Variants in CHRM3 observed in about 807,000 individuals in gnomAD.
The protein encoded by CHRM3 is cholinergic receptor muscarinic 3.
Under a neutral mutation model 41.8 loss-of-function variants are expected in CHRM3, and 11 were observed. That is an observed-to-expected ratio of 0.26 (90% CI 0.17 to 0.44). The LOEUF (loss-of-function observed/expected upper bound fraction) is 0.44. CHRM3 is among the 20% of genes least tolerant of loss of function. The pLI, the probability that CHRM3 is intolerant of heterozygous loss-of-function variation, is 1.00. For missense variants in CHRM3, 571 were observed against 745.4 expected (o/e 0.77, Z 2.72); for synonymous variants, 297 against 301.4 (o/e 0.99, Z 0.15).
chr1:239,587,473 T>C (rs1485469021), intron 3 of CHRM3, among the ~76,000 whole-genome samples: 2 of 152,194 alleles, frequency 1.3e-5, no homozygotes, highest in Non-Finnish European at 2.9e-5. Flanking sequence ...AAGAACTTTT[T>C]TCTCATTGAA....
chr1:239,516,073 T>C (rs904291357), intron 2 of CHRM3, among the ~76,000 whole-genome samples: 1 of 152,196 alleles, frequency 6.6e-6, no homozygotes, highest in African/African-American at 2.4e-5. Flanking sequence ...CTCTCTCATC[T>C]AGATTGCCAG....
At chr1:239,681,345 A>T (rs1658542430) in intron 5 of CHRM3, among the ~76,000 whole-genome samples, 2 of 152,204 alleles carry the variant, frequency 1.3e-5, no homozygotes, top group South Asian at 2.1e-4. Flanking sequence ...CTTTGCAGGT[A>T]TTTTAATTGG....
At chr1:239,446,025 C>G (rs1664105130) in intron 1 of CHRM3, among the ~76,000 whole-genome samples, 1 of 152,004 alleles carries the variant, frequency 6.6e-6, no homozygotes, top group South Asian at 2.1e-4. Flanking sequence ...GCAGCCTCTG[C>G]CTCCCGGGTT....
At chr1:239,533,814 G>T (rs1375058794) in intron 2 of CHRM3, among the ~76,000 whole-genome samples, 1 of 151,464 alleles carries the variant, frequency 6.6e-6, no homozygotes, top group Non-Finnish European at 1.5e-5. Context: ...AGAACAGCAG[G>T]AGAGTAATCA....
At chr1:239,777,913 G>A (rs1007403678) in intron 5 of CHRM3, among the ~76,000 whole-genome samples, 6 of 152,046 alleles carry the variant, frequency 3.9e-5, no homozygotes, top group Admixed American at 1.3e-4. Context: ...GAAACACAGC[G>A]CTGGATAAGA....
intron 2 of CHRM3, among the ~76,000 whole-genome samples, chr1:239,513,538 G>A (rs532320302): frequency 4.6e-5 from 7 of 152,156 alleles, no homozygotes; most frequent in East Asian, 1.9e-4. Context: ...ACCTTTATCC[G>A]ATACATGTTT....
chr1:239,914,457 T>G lies in CHRM3; in HGVS notation c.*5233T>G, dbSNP rs1475764371. The G allele has an allele frequency of 6.0e-6, 1 of 167,108 alleles. No individual in the cohort carries two copies. The highest frequency in any genetic ancestry group is 1.5e-5 in the Non-Finnish European group (1 of 68,114). 10.4% of individuals were successfully genotyped at this position (167,108 alleles called of 1,614,324 possible). A position where few individuals can be genotyped will look rare whatever the true frequency, so the allele number is the denominator to read the frequency against. On this transcript the variant is annotated 3_prime_UTR_variant, in exon 7 of 7. Coordinates refer to ENST00000676153, the MANE Select transcript of CHRM3 (RefSeq NM_001375978.1). ...AAGTGGAAAGTGTTCACAAACATGA[T>G]GCTTATCTAATAAAATATCACTGAG...
At chr1:239,443,719 A>C in intron 1 of CHRM3, among the ~76,000 whole-genome samples, 1 of 152,338 alleles carries the variant, frequency 6.6e-6, no homozygotes, top group Non-Finnish European at 1.5e-5. Flanking sequence ...GTATAATATA[A>C]ACGCTTAGGA....
intron 2 of CHRM3, among the ~76,000 whole-genome samples, chr1:239,514,708 A>G (rs1669145423): frequency 6.6e-6 from 1 of 152,122 alleles, no homozygotes; most frequent in Non-Finnish European, 1.5e-5. Flanking sequence ...TTAGTGGTGA[A>G]GAAATTTGTC....
At chr1:239,648,954 A>G (rs1316403656) in intron 4 of CHRM3, among the ~76,000 whole-genome samples, 1 of 152,120 alleles carries the variant, frequency 6.6e-6, no homozygotes, top group Non-Finnish European at 1.5e-5. Flanking sequence ...GAGTCACAGT[A>G]TTTTTGGGTT....
rs556236655 is a variant in CHRM3 at position 239,892,328 on chromosome 1, C to T, written c.-19-15105C>T. Among the ~76,000 whole-genome samples, 5 of 152,276 alleles carry T rather than the reference C, an allele frequency of 3.3e-5. No individual in the cohort carries two copies. The East Asian group carries it at 9.7e-4, about 29-fold the overall frequency. The stretch of plus-strand genomic sequence containing the variant: ...TATTTTGATTCTTGCAGTTTCTGTA[C>T]TTGTTTCATTTTCACAGATAGGTGG... On this transcript the variant is annotated intron_variant, in intron 6 of 6. Transcript: ENST00000676153.
At chr1:239,762,683 A>C (rs1035434261) in intron 5 of CHRM3, among the ~76,000 whole-genome samples, 1 of 152,234 alleles carries the variant, frequency 6.6e-6, no homozygotes, top group Admixed American at 6.5e-5. Context: ...GATGATACCA[A>C]AATCCAAAAG....
intron 2 of CHRM3, among the ~76,000 whole-genome samples, chr1:239,535,871 G>A (rs941816179): frequency 2.6e-5 from 4 of 152,050 alleles, no homozygotes; most frequent in South Asian, 2.1e-4. Flanking sequence ...CTGAGCTGTC[G>A]GGTACAGGGT....
intron 1 of CHRM3, among the ~76,000 whole-genome samples, chr1:239,438,789 A>G (rs1663473077): frequency 6.6e-6 from 1 of 152,208 alleles, no homozygotes; most frequent in Non-Finnish European, 1.5e-5. Flanking sequence ...ATTCTTTTTC[A>G]GTATATACTA....
chr1:239,804,682 C>T (rs1670489502), intron 5 of CHRM3, among the ~76,000 whole-genome samples: 1 of 152,180 alleles, frequency 6.6e-6, no homozygotes, highest in African/African-American at 2.4e-5. Flanking sequence ...GCAAGTTCAT[C>T]CCCAAATCCT....
At chr1:239,491,856 C>A (rs1667575758) in intron 1 of CHRM3, among the ~76,000 whole-genome samples, 1 of 152,136 alleles carries the variant, frequency 6.6e-6, no homozygotes, top group African/African-American at 2.4e-5. Flanking sequence ...GCCTTCTAAA[C>A]CCTTCTGGGT....
In CHRM3 at chr1:239,911,983, C is replaced by A. The variant is rs886913576; in HGVS notation, c.*2759C>A. On this transcript the variant is annotated 3_prime_UTR_variant, in exon 7 of 7. Coordinates refer to ENST00000676153, the MANE Select transcript of CHRM3 (RefSeq NM_001375978.1). ...CATTACAGGAGATATTCAGCACTTA[C>A]CTAAGATCAAAATGTCTTCATCCCA... 6.0e-6 allele frequency: 1 copy of A among 167,042 alleles called. No homozygotes were observed. The highest frequency in any genetic ancestry group is 1.5e-5 in the Non-Finnish European group (1 of 68,118). 10.3% of individuals were successfully genotyped at this position (167,042 alleles called of 1,614,324 possible).
chr1:239,898,341 G>T (rs188317050), intron 6 of CHRM3: 3 of 152,172 alleles, frequency 2.0e-5, no homozygotes, highest in African/African-American at 7.2e-5. Context: ...GTGGTTTGAT[G>T]TGGTATTGCC....
At chr1:239,457,705 A>G (rs1422360734) in intron 1 of CHRM3, among the ~76,000 whole-genome samples, 2 of 152,206 alleles carry the variant, frequency 1.3e-5, no homozygotes, top group East Asian at 3.9e-4. Flanking sequence ...TGAGGCCAAC[A>G]CACTCATGCT....
Sources: gnomAD v4.1 joint callset for allele counts (sites outside exome capture counted in the v4.1 genomes callset) on GRCh38, gnomAD v4.1.1 for gene constraint, MANE v1.5 for transcripts, NCBI Gene and HGNC (gene_info 2026-07-23, HGNC 2026-07-21) for gene names.